The following GNAQ variants were observed in gnomAD, a reference collection of about 807,000 sequenced individuals.
The protein encoded by GNAQ is guanine nucleotide-binding protein G(q) subunit alpha.
A neutral mutation model predicts 43.9 loss-of-function variants in GNAQ; 8 were observed. That is an observed-to-expected ratio of 0.18 (90% confidence interval 0.11 to 0.33). GNAQ has a LOEUF of 0.33. Ranked by LOEUF, GNAQ falls within the 10% of genes least tolerant of loss-of-function variation. The pLI, the probability that GNAQ is intolerant of heterozygous loss-of-function variation, is 1.00. For missense variants in GNAQ, 158 were observed against 450.8 expected, an observed-to-expected ratio of 0.35 and a Z score of 5.88; for synonymous variants, 155 against 170.7, an observed-to-expected ratio of 0.91 and a Z score of 0.71.
chr9:77,892,474 T>C (rs1240944858), intron 2 of GNAQ, among the ~76,000 whole-genome samples: 1 of 152,264 alleles, frequency 6.6e-6, no homozygotes, highest in Non-Finnish European at 1.5e-5. Flanking sequence ...TGGTTTCTTC[T>C]AGGTCAATGC....
At chr9:77,808,522 T>C (rs1826864346) in intron 3 of GNAQ, among the ~76,000 whole-genome samples, 1 of 151,856 alleles carries the variant, frequency 6.6e-6, no homozygotes. Flanking sequence ...TCTTCTGAGC[T>C]GGTTAAAGAT....
chr9:77,923,907 T>C (rs1829032624), intron 1 of GNAQ, among the ~76,000 whole-genome samples: 1 of 152,182 alleles, frequency 6.6e-6, no homozygotes, highest in South Asian at 2.1e-4. Context: ...TTTCTGATGG[T>C]TGGATTTCAT....
rs534115507 is a variant in GNAQ, at chr9:77,762,961, C to T, written c.735+31502G>A. Among the ~76,000 whole-genome samples the T allele has an allele frequency of 4.0e-5, 6 of 151,888 alleles. No individual in the cohort carries two copies. In the South Asian group the frequency reaches 6.2e-4, roughly 16 times the overall value. On this transcript the variant is annotated intron_variant, in intron 5 of 6. Transcript: ENST00000286548. ...CAAGTACCCAGGGACACAAACACTG[C>T]GGAAGGCCGCAGGGTCCTCTGCCTA...
chr9:78,016,838 A>T (rs962031708), intron 1 of GNAQ, among the ~76,000 whole-genome samples: 1 of 152,240 alleles, frequency 6.6e-6, no homozygotes, highest in Non-Finnish European at 1.5e-5. Flanking sequence ...TAAAAACTGT[A>T]AAATGAATAC....
At chr9:77,777,081 T>C (rs1826316046) in intron 5 of GNAQ, among the ~76,000 whole-genome samples, 1 of 152,110 alleles carries the variant, frequency 6.6e-6, no homozygotes, top group Non-Finnish European at 1.5e-5. Flanking sequence ...TAAAACTTTA[T>C]GTTCACGATC....
chr9:77,928,848 C>A (rs920118362), intron 1 of GNAQ, among the ~76,000 whole-genome samples: 2 of 151,922 alleles, frequency 1.3e-5, no homozygotes, highest in African/African-American at 2.4e-5. Flanking sequence ...GGTGAAACCC[C>A]GTCTCTACTA....
chr9:77,794,386 C>T (rs2118441929), intron 5 of GNAQ, 77 bp downstream of exon 5: 4 of 1,007,934 alleles, frequency 4.0e-6, no homozygotes, highest in South Asian at 4.0e-5. Flanking sequence ...CACTCCATTC[C>T]CCACACCCTA....
At chr9:77,974,324 C>T (rs1184392156) in intron 1 of GNAQ, among the ~76,000 whole-genome samples, 1 of 152,164 alleles carries the variant, frequency 6.6e-6, no homozygotes, top group African/African-American at 2.4e-5. Context: ...AAAGTTATCC[C>T]CATGTACACA....
chr9:77,728,143 T>C (rs1055290708), intron 6 of GNAQ, among the ~76,000 whole-genome samples: 2 of 151,972 alleles, frequency 1.3e-5, no homozygotes, highest in Non-Finnish European at 2.9e-5. Context: ...TACAGGTGCC[T>C]GCCACCACGC....
chr9:77,803,797 T>A (rs1347239419), intron 3 of GNAQ, among the ~76,000 whole-genome samples: 1 of 152,214 alleles, frequency 6.6e-6, no homozygotes, highest in Admixed American at 6.5e-5. Flanking sequence ...TAGCCCTTGG[T>A]GATAATCCTC....
At chr9:77,944,545 G>C (rs552738274) in intron 1 of GNAQ, among the ~76,000 whole-genome samples, 1 of 152,194 alleles carries the variant, frequency 6.6e-6, no homozygotes, top group South Asian at 2.1e-4. Context: ...GTCAGGCCCA[G>C]TAGAAAATAT....
intron 2 of GNAQ, among the ~76,000 whole-genome samples, chr9:77,838,595 T>C (rs1386574496): frequency 6.6e-6 from 1 of 151,812 alleles, no homozygotes; most frequent in East Asian, 1.9e-4. Context: ...CAAGTAGAAA[T>C]GGGGTAGAAT....
intron 2 of GNAQ, among the ~76,000 whole-genome samples, chr9:77,917,789 G>A (rs566947512): frequency 2.6e-5 from 4 of 152,164 alleles, no homozygotes; most frequent in East Asian, 3.8e-4. Flanking sequence ...GTCCTAAGAC[G>A]TATGTCTTCT....
chr9:77,717,803 A>C lies in GNAQ; in HGVS notation c.*3520T>G, dbSNP rs1825249525. 1 of 232,382 alleles carries C rather than the reference A, an allele frequency of 4.3e-6. No homozygotes were observed. The highest frequency in any genetic ancestry group is 8.5e-6 in the Non-Finnish European group (1 of 117,688). 14.4% of individuals were successfully genotyped at this position (232,382 alleles called of 1,614,324 possible). On this transcript the variant is annotated 3_prime_UTR_variant, in exon 7 of 7. Transcript: ENST00000286548. ...TAGTTGTCATCTGCTAGTAAACAACATATGCAGGTTCTTAAAATTTTTTTT... is the reference window on the plus strand; with the variant it reads ...TAGTTGTCATCTGCTAGTAAACAACCTATGCAGGTTCTTAAAATTTTTTTT...
chr9:77,996,677 CAA>C (rs3083223), intron 1 of GNAQ, among the ~76,000 whole-genome samples: 75 of 105,602 alleles, frequency 7.1e-4, no homozygotes, highest in Non-Finnish European at 1.1e-3. Flanking sequence ...GACTCCATCT[CAA>C]AAAAAAAAAA....
chr9:77,925,804 G>C (rs1237298757), intron 1 of GNAQ, among the ~76,000 whole-genome samples: 4 of 152,156 alleles, frequency 2.6e-5, no homozygotes, highest in African/African-American at 9.7e-5. Context: ...GTATCCACAA[G>C]GGATTGGTTC....
At chr9:77,960,792 C>G (rs992093544) in intron 1 of GNAQ, among the ~76,000 whole-genome samples, 5 of 152,076 alleles carry the variant, frequency 3.3e-5, no homozygotes, top group Admixed American at 2.6e-4. Context: ...ATGATCTATT[C>G]ACTACACTAG....
chr9:77,789,834 T>C (rs937944001), intron 5 of GNAQ, among the ~76,000 whole-genome samples: 1 of 152,204 alleles, frequency 6.6e-6, no homozygotes, highest in African/African-American at 2.4e-5. Flanking sequence ...TGCTTCCCTA[T>C]ACCCGGATCA....
At chr9:77,943,498 C>T (rs773192156) in intron 1 of GNAQ, among the ~76,000 whole-genome samples, 6 of 152,064 alleles carry the variant, frequency 3.9e-5, no homozygotes, top group Non-Finnish European at 7.4e-5. Flanking sequence ...CCCATATTTA[C>T]AAGAGTCAGA....
Sources: gnomAD v4.1 joint callset for allele counts (sites outside exome capture counted in the v4.1 genomes callset) on GRCh38, gnomAD v4.1.1 for gene constraint, MANE v1.5 for transcripts, NCBI Gene and HGNC (gene_info 2026-07-23, HGNC 2026-07-21) for gene names.